NDE1: variants seen among roughly 807,000 people sequenced by gnomAD.
NDE1 encodes the protein nudE neurodevelopment protein 1, also known as nuclear distribution protein nudE homolog 1.
A neutral mutation model predicts 43.4 loss-of-function variants in NDE1; 28 were observed. That is an observed-to-expected ratio of 0.65 (90% confidence interval 0.48 to 0.89). The LOEUF (loss-of-function observed/expected upper bound fraction) is 0.89. NDE1 is among the 40% of genes least tolerant of loss of function. The pLI is 0.00. For missense variants in NDE1, 441 were observed against 434.1 expected (o/e 1.02, Z -0.14); for synonymous variants, 184 against 172.0 (o/e 1.07, Z -0.55).
chr16:15,720,719 C>T (rs2040422313), intron 8 of NDE1: 5 of 1,117,132 alleles, frequency 4.5e-6, no homozygotes, highest in East Asian at 2.5e-5. Context: ...GGCGACAGAG[C>T]GAGACTCTGT....
intron 1 of NDE1, 44 bp from the exon 2 acceptor site, chr16:15,664,691 TG>T (rs2037213276): frequency 9.8e-7 from 1 of 1,018,328 alleles, no homozygotes; most frequent in African/African-American, 1.6e-5. Context: ...GGGGATCAGC[TG>T]TTTAACCAGA....
chr16:15,708,945 T>G lies in NDE1; in HGVS notation c.947+12085T>G. ...AAGACATTTGCTTCGATTTAATAAT[T>G]AAAGGCACTCTTTTTTATTTTGAGA... On this transcript the variant is annotated intron_variant, in intron 8 of 8. Transcript: ENST00000396354. The G allele has an allele frequency of 3.3e-6, 4 of 1,195,954 alleles. No individual in the cohort carries two copies. In the East Asian group the frequency reaches 1.0e-4, roughly 30 times the overall value. The allele number at this position is 1,195,954 out of a possible 1,614,324, so 74.1% of individuals were successfully genotyped here. A position where few individuals can be genotyped will look rare whatever the true frequency, so the allele number is the denominator to read the frequency against.
chr16:15,717,282 G>T, intron 8 of NDE1: 1 of 1,613,640 alleles, frequency 6.2e-7, no homozygotes. Context: ...TCGAGCTGCT[G>T]CCGGGCACTC....
At chr16:15,688,633 CAAAAAAAAAAA>C (rs35767829) in intron 5 of NDE1, among the ~76,000 whole-genome samples, 1 of 37,452 alleles carries the variant, frequency 2.7e-5, no homozygotes, top group Non-Finnish European at 5.3e-5. Flanking sequence ...ACTCTTGTCT[CAAAAAAAAAAA>C]AAAAAAAAAG....
chr16:15,700,059 G>A (rs1567663995), intron 8 of NDE1: 2 of 1,171,524 alleles, frequency 1.7e-6, no homozygotes, highest in East Asian at 6.2e-5. Context: ...AGGGACAAAA[G>A]GGGCTCTCTG....
chr16:15,683,913 A>G (rs1250449083), intron 4 of NDE1, among the ~76,000 whole-genome samples: 1 of 151,868 alleles, frequency 6.6e-6, no homozygotes, highest in Non-Finnish European at 1.5e-5. Context: ...TGTGGTCACA[A>G]CTACTCGGGA....
rs912118776 is a variant in NDE1, at chr16:15,694,367, A to G, written c.795+111A>G. 1.9e-6 allele frequency: 3 copies of G among 1,542,158 alleles called. No individual in the cohort carries two copies. In the African/African-American group the frequency reaches 4.1e-5, roughly 21 times the overall value. On this transcript the variant is annotated intron_variant, in intron 7 of 8. Coordinates refer to ENST00000396354, the MANE Select transcript of NDE1 (RefSeq NM_017668.3). ...CTTCTTTTTTTCTTTTTTTTTAGAG[A>G]CAGGGTCTTGCTCTGTTGCTCAGGC...
chr16:15,667,520 CCTGCAATGAG>C, intron 3 of NDE1, 81 bp downstream of exon 3: 1 of 1,544,938 alleles, frequency 6.5e-7, no homozygotes, highest in Non-Finnish European at 8.8e-7. Flanking sequence ...AAGAAGGAAC[CCTGCAATGAG>C]GGACTCCAGA....
intron 4 of NDE1, chr16:15,686,620 G>C: frequency 1.2e-6 from 1 of 865,172 alleles, no homozygotes; most frequent in South Asian, 5.3e-5. Flanking sequence ...TGAGATTGCA[G>C]TGAGCTGTGA....
intron 2 of NDE1, 149 bp downstream of exon 2, chr16:15,665,010 C>G: frequency 1.5e-6 from 1 of 652,728 alleles, no homozygotes; most frequent in African/African-American, 1.8e-5. Context: ...ATCATCCTGG[C>G]TCAGCCTCCC....
At chr16:15,685,122 G>T (rs2038373342) in intron 4 of NDE1, among the ~76,000 whole-genome samples, 1 of 152,160 alleles carries the variant, frequency 6.6e-6, no homozygotes, top group Admixed American at 6.5e-5. Flanking sequence ...CTGCATTTCT[G>T]CAAGCATTCT....
Position 15,687,979 on chromosome 16 carries a change from A to G in NDE1, c.523+468A>G, listed in dbSNP as rs556380860. Among the ~76,000 whole-genome samples, 7 of 152,094 alleles carry G rather than the reference A, an allele frequency of 4.6e-5. No individual in the cohort carries two copies. In the South Asian group the frequency reaches 1.5e-3, roughly 32 times the overall value. On this transcript the variant is annotated intron_variant, in intron 5 of 8. Transcript: ENST00000396354. ...CTCTTGAGCCCAGGAGTTTGAGACC[A>G]GCCTGGGCAGCATAGTGGGACTCCA... is the stretch of plus-strand genomic sequence containing the variant.
At chr16:15,653,706 C>CA (rs755713367) in intron 1 of NDE1, among the ~76,000 whole-genome samples, 85 of 118,834 alleles carry the variant, frequency 7.2e-4, no homozygotes, top group Middle Eastern at 3.9e-3. Flanking sequence ...GTAAAACATG[C>CA]AAAAAAAAAA....
In NDE1 at chr16:15,677,672, C is replaced by T. The variant is rs1168244426; in HGVS notation, c.238-129C>T. 2.3e-5 allele frequency: 22 copies of T among 941,002 alleles called. No homozygotes were observed. The South Asian group carries it at 2.9e-4, about 12-fold the overall frequency. The allele number at this position is 941,002 out of a possible 1,614,324, so 58.3% of individuals were successfully genotyped here. ...AGTCATAGCTCACTGCAGCCTCTAA[C>T]TCCTGGGCTCAGGCAGTCCTCCCAG... On this transcript the variant is annotated intron_variant, in intron 3 of 8. Coordinates refer to ENST00000396354, the MANE Select transcript of NDE1 (RefSeq NM_017668.3).
chr16:15,722,985 C>T (rs1038651283), intron 8 of NDE1, among the ~76,000 whole-genome samples: 1 of 152,104 alleles, frequency 6.6e-6, no homozygotes, highest in Non-Finnish European at 1.5e-5. Context: ...CTCAAGTGAT[C>T]CACCTGCCTC....
chr16:15,692,492 C>G (rs911288845), intron 6 of NDE1, among the ~76,000 whole-genome samples: 1 of 151,958 alleles, frequency 6.6e-6, no homozygotes, highest in African/African-American at 2.4e-5. Context: ...TCGCTGTAAC[C>G]CCCTCCTCCC....
At chr16:15,720,031 T>G (rs2040382724) in intron 8 of NDE1, 1 of 1,383,398 alleles carries the variant, frequency 7.2e-7, no homozygotes, top group African/African-American at 1.4e-5. Flanking sequence ...AAACCCCAGC[T>G]GAACCCACAC....
chr16:15,676,225 G>GTTT (rs34293989), intron 3 of NDE1, among the ~76,000 whole-genome samples: 67 of 118,928 alleles, frequency 5.6e-4, no homozygotes, highest in South Asian at 1.1e-3. Flanking sequence ...TGTTTTTCTG[G>GTTT]TTTTTTTTTT....
intron 1 of NDE1, among the ~76,000 whole-genome samples, chr16:15,652,710 CT>C (rs1362887690): frequency 6.6e-6 from 1 of 152,144 alleles, no homozygotes; most frequent in African/African-American, 2.4e-5. Flanking sequence ...GTCGCCCAAG[CT>C]GGAACACAGT....
Sources: gnomAD v4.1 joint callset for allele counts (sites outside exome capture counted in the v4.1 genomes callset) on GRCh38, gnomAD v4.1.1 for gene constraint, MANE v1.5 for transcripts, NCBI Gene and HGNC (gene_info 2026-07-23, HGNC 2026-07-21) for gene names.